The following DISC1 variants were observed in gnomAD, a reference collection of about 807,000 sequenced individuals.
DISC1 encodes DISC1 scaffold protein.
A neutral mutation model predicts 84.5 loss-of-function variants in DISC1; 57 were observed. The ratio of observed to expected loss-of-function variants is 0.67; its 90% CI spans 0.55 to 0.84. The LOEUF (loss-of-function observed/expected upper bound fraction) is 0.84. Ranked by LOEUF, DISC1 falls within the 40% of genes least tolerant of loss-of-function variation. The probability of loss-of-function intolerance (pLI) is 0.00; values close to 1 mark genes in which losing one functional copy is unlikely to be tolerated. For missense variants in DISC1, 1,000 were observed against 1,057.8 expected (o/e 0.95, Z 0.76); for synonymous variants, 411 against 415.2 (o/e 0.99, Z 0.12).
chr1:231,749,427 A>G (rs1032073367), intron 3 of DISC1, among the ~76,000 whole-genome samples: 3 of 152,216 alleles, frequency 2.0e-5, no homozygotes, highest in African/African-American at 7.2e-5. Flanking sequence ...ACAGAAGTGG[A>G]TATATAGTCA....
intron 1 of DISC1, among the ~76,000 whole-genome samples, chr1:231,689,849 A>C (rs1314022281): frequency 6.6e-6 from 1 of 152,176 alleles, no homozygotes; most frequent in Admixed American, 6.5e-5. Flanking sequence ...GGGTGTTAAC[A>C]ATACTTAGGG....
chr1:232,002,635 ACAC>A (rs1666852817), intron 10 of DISC1, among the ~76,000 whole-genome samples: 1 of 129,336 alleles, frequency 7.7e-6, no homozygotes, highest in African/African-American at 3.0e-5. Flanking sequence ...ACACACACAC[ACAC>A]AAAAGCCAAT....
At chr1:231,757,054 G>A (rs1015531184) in intron 4 of DISC1, among the ~76,000 whole-genome samples, 3 of 152,060 alleles carry the variant, frequency 2.0e-5, no homozygotes, top group Non-Finnish European at 2.9e-5. Flanking sequence ...CCGAGTCAAG[G>A]GGTATATATA....
chr1:231,936,838 T>A (rs1291411116), intron 9 of DISC1, among the ~76,000 whole-genome samples: 1 of 152,236 alleles, frequency 6.6e-6, no homozygotes, highest in Non-Finnish European at 1.5e-5. Flanking sequence ...TGAAACTCTC[T>A]TCCTTCTTAA....
chr1:231,970,049 G>A (rs1661727588), intron 10 of DISC1, among the ~76,000 whole-genome samples: 1 of 152,124 alleles, frequency 6.6e-6, no homozygotes, highest in South Asian at 2.1e-4. Context: ...GAATAGTGCT[G>A]CAATAAACAT....
chr1:231,831,111 T>C (rs2082190036), intron 9 of DISC1, among the ~76,000 whole-genome samples: 1 of 152,160 alleles, frequency 6.6e-6, no homozygotes, highest in Admixed American at 6.5e-5. Flanking sequence ...CTACCCAGGC[T>C]AAGAGGTATT....
intron 1 of DISC1, among the ~76,000 whole-genome samples, chr1:231,688,018 A>AG (rs565681781): frequency 8.3e-4 from 127 of 152,302 alleles, no homozygotes; most frequent in African/African-American, 2.9e-3. Context: ...AGGAAATGGT[A>AG]GGGGAGGTCA....
chr1:231,832,248 G>GAGGGCCTCTCAAAGT (rs1163351106), intron 9 of DISC1, among the ~76,000 whole-genome samples: 1 of 152,046 alleles, frequency 6.6e-6, no homozygotes, highest in Non-Finnish European at 1.5e-5. Context: ...AGCATAGTTT[G>GAGGGCCTCTCAAAGT]TGATTTTGAG....
intron 9 of DISC1, among the ~76,000 whole-genome samples, chr1:231,921,280 T>C (rs2126080693): frequency 6.6e-6 from 1 of 152,256 alleles, no homozygotes; most frequent in African/African-American, 2.4e-5. Flanking sequence ...TACCTTCCCA[T>C]GCAACTTACA....
intron 3 of DISC1, chr1:231,720,721 TCCC>T: frequency 1.4e-5 from 9 of 663,028 alleles, no homozygotes; most frequent in Admixed American, 1.2e-4. Flanking sequence ...GTGATTTTTT[TCCC>T]TTGGGGCTTT....
At chr1:231,946,197 A>T (rs182225215) in intron 9 of DISC1, among the ~76,000 whole-genome samples, 68 of 152,324 alleles carry the variant, frequency 4.5e-4, no homozygotes, top group African/African-American at 1.6e-3. Context: ...ATGAACATAG[A>T]TGTGAAAATC....
chr1:231,637,953 T>C (rs2059332457), intron 1 of DISC1, among the ~76,000 whole-genome samples: 1 of 152,240 alleles, frequency 6.6e-6, no homozygotes, highest in African/African-American at 2.4e-5. Flanking sequence ...ATTTACATTC[T>C]CACCAATAGT....
Position 231,863,273 on chromosome 1 carries a change from C to T in DISC1, c.1981+44756C>T, listed in dbSNP as rs541729093. Among the ~76,000 whole-genome samples, 51 of 118,644 alleles carry T rather than the reference C, an allele frequency of 4.3e-4. No individual in the cohort carries two copies. The South Asian group carries it at 5.5e-3, about 13-fold the overall frequency. The allele number at this position is 118,644 out of a possible 152,430, so 77.8% of individuals were successfully genotyped here. A position where few individuals can be genotyped will look rare whatever the true frequency, so the allele number is the denominator to read the frequency against. ...TTTTTGAGACAGGGTCTCTGTCGCC[C>T]GGGATGGAGTGCTGTGGTGCGATCT... On this transcript the variant is annotated intron_variant, in intron 9 of 12. Transcript: ENST00000439617.
At chr1:231,863,841 A>G (rs1383581807) in intron 9 of DISC1, among the ~76,000 whole-genome samples, 2 of 152,216 alleles carry the variant, frequency 1.3e-5, no homozygotes, top group African/African-American at 4.8e-5. Flanking sequence ...ATGTGGAGGA[A>G]AAGGACCAGT....
In DISC1 at chr1:231,824,875, TATCCATCCATCC is replaced by T. The variant is rs67972870; in HGVS notation, c.1981+6384_1981+6395del. ...GAACCAGATCTTGAAGTTGCATTTC[TATCCATCCATCC>T]ATCCATCCATCCATCCATCCATCCA... On this transcript the variant is annotated intron_variant, in intron 9 of 12. Coordinates refer to ENST00000439617, the MANE Select transcript of DISC1 (RefSeq NM_018662.3). 1.4e-3 allele frequency among the ~76,000 whole-genome samples: 217 copies of T among 150,004 alleles called. 1 individual carries two copies. The highest frequency in any genetic ancestry group is 5.1e-3 in the African/African-American group (207 of 40,706).
chr1:231,930,049 C>A (rs575518766), intron 9 of DISC1, among the ~76,000 whole-genome samples: 25 of 152,284 alleles, frequency 1.6e-4, no homozygotes, highest in African/African-American at 5.5e-4. Context: ...GGCCCGAAAA[C>A]CCCTGGGACC....
chr1:231,846,128 T>G (rs2083433185), intron 9 of DISC1, among the ~76,000 whole-genome samples: 1 of 152,094 alleles, frequency 6.6e-6, no homozygotes, highest in Middle Eastern at 3.4e-3. Flanking sequence ...CACTGACTGC[T>G]TGGGTAGGGG....
At chr1:231,697,859 A>G (rs1384834973) in intron 2 of DISC1, among the ~76,000 whole-genome samples, 1 of 152,040 alleles carries the variant, frequency 6.6e-6, no homozygotes, top group African/African-American at 2.4e-5. Flanking sequence ...TCTCTCTCAT[A>G]CTACAAACTA....
In DISC1 at chr1:231,779,983, C is replaced by T. The variant is rs144430059; in HGVS notation, c.1634+8913C>T. On this transcript the variant is annotated intron_variant, in intron 6 of 12. Coordinates refer to ENST00000439617, the MANE Select transcript of DISC1 (RefSeq NM_018662.3). ...ATGGCAACCTTGCAGGCTGTAACCC[C>T]CTTTTAAGAAATAAAGCTCTCCATA... 1.7e-3 allele frequency among the ~76,000 whole-genome samples: 258 copies of T among 152,106 alleles called. 2 individuals carry two copies. Among genetic ancestry groups the T allele is most frequent in the Non-Finnish European group, 3.1e-3 (211 of 68,006 alleles).
Sources: allele counts gnomAD v4.1 joint callset (sites outside exome capture counted in the v4.1 genomes callset), GRCh38; gene constraint gnomAD v4.1.1; transcripts MANE v1.5; gene names NCBI Gene and HGNC (gene_info 2026-07-23, HGNC 2026-07-21).